WWOX: variants seen among roughly 807,000 people sequenced by gnomAD.
WWOX encodes the protein WW domain containing oxidoreductase.
Under a neutral mutation model 46.2 loss-of-function variants are expected in WWOX, and 69 were observed. The ratio of observed to expected loss-of-function variants is 1.49; its 90% confidence interval spans 1.23 to 1.82. WWOX has a LOEUF of 1.82. Among genes scored for constraint, WWOX ranks in the 40% most tolerant of loss-of-function variants. WWOX has a pLI of 0.00. For synonymous variants in WWOX, 359 were observed against 202.6 expected (o/e 1.77, Z -6.56); for missense variants, 919 against 542.6 (o/e 1.69, Z -6.89).
chr16:78,132,900 G>T (rs977091135), intron 4 of WWOX, among the ~76,000 whole-genome samples: 1 of 152,140 alleles, frequency 6.6e-6, no homozygotes, highest in African/African-American at 2.4e-5. Flanking sequence ...CTCAAATGGG[G>T]TGGCAGCTGC....
At chr16:78,719,274 GC>G (rs2048639342) in intron 8 of WWOX, among the ~76,000 whole-genome samples, 1 of 151,884 alleles carries the variant, frequency 6.6e-6, no homozygotes, top group Non-Finnish European at 1.5e-5. Flanking sequence ...GGTGACCATG[GC>G]TGAAGGGTTA....
intron 6 of WWOX, among the ~76,000 whole-genome samples, chr16:78,406,736 C>T (rs971788904): frequency 2.0e-5 from 3 of 151,640 alleles, no homozygotes; most frequent in African/African-American, 4.8e-5. Context: ...AAGCGATTCT[C>T]CTGCCTCAGC....
chr16:78,298,276 C>T (rs996539626), intron 5 of WWOX, among the ~76,000 whole-genome samples: 1 of 152,086 alleles, frequency 6.6e-6, no homozygotes, highest in Non-Finnish European at 1.5e-5. Flanking sequence ...ACTGGGCCAT[C>T]TTTCTTAGGC....
intron 8 of WWOX, among the ~76,000 whole-genome samples, chr16:78,938,212 C>T (rs114465422): frequency 2.0e-4 from 30 of 152,170 alleles, no homozygotes; most frequent in Non-Finnish European, 3.8e-4. Context: ...TACATGAAGG[C>T]AGGACTTCCA....
chr16:78,962,024 C>T (rs776209224), intron 8 of WWOX, among the ~76,000 whole-genome samples: 1 of 152,094 alleles, frequency 6.6e-6, no homozygotes, highest in Non-Finnish European at 1.5e-5. Context: ...CCAGGCTGCT[C>T]CTGAGCAAGT....
chr16:78,654,826 A>T lies in WWOX; in HGVS notation c.1056+222074A>T, dbSNP rs147248787. On this transcript the variant is annotated intron_variant, in intron 8 of 8. Coordinates refer to ENST00000566780, the MANE Select transcript of WWOX (RefSeq NM_016373.4). ...TTTGAATTTTGGAAATAGACCAGTG[A>T]TTCTTCAGTAGGGTCGTAAGGTCCC... is the stretch of plus-strand genomic sequence containing the variant. 3.4e-3 allele frequency among the ~76,000 whole-genome samples: 519 copies of T among 151,550 alleles called. 2 individuals carry two copies. Among genetic ancestry groups the T allele is most frequent in the Non-Finnish European group, 5.7e-3 (387 of 67,926 alleles).
chr16:78,113,191 C>G (rs75392771), intron 3 of WWOX, among the ~76,000 whole-genome samples: 1 of 152,122 alleles, frequency 6.6e-6, no homozygotes, highest in African/African-American at 2.4e-5. Context: ...TGTACATTCC[C>G]AGGCCCCCAC....
intron 8 of WWOX, among the ~76,000 whole-genome samples, chr16:78,478,577 A>G (rs1033020563): frequency 8.6e-5 from 13 of 151,678 alleles, no homozygotes; most frequent in African/African-American, 2.4e-4. Flanking sequence ...TTGCTGTTGC[A>G]CCCCCCACCC....
chr16:78,174,330 A>G (rs886416122), intron 5 of WWOX, among the ~76,000 whole-genome samples: 2 of 152,154 alleles, frequency 1.3e-5, no homozygotes, highest in African/African-American at 4.8e-5. Context: ...ATCTCTTGAG[A>G]CTTATTCACT....
At chr16:78,325,003 C>G (rs565477592) in intron 5 of WWOX, among the ~76,000 whole-genome samples, 2 of 152,124 alleles carry the variant, frequency 1.3e-5, no homozygotes, top group Admixed American at 6.6e-5. Context: ...ACTCAGGGCC[C>G]GAGCTGCTCA....
At chr16:78,659,923 C>T (rs1335993722) in intron 8 of WWOX, among the ~76,000 whole-genome samples, 1 of 152,148 alleles carries the variant, frequency 6.6e-6, no homozygotes, top group Non-Finnish European at 1.5e-5. Flanking sequence ...CAAGGGCTGT[C>T]ACCACCAGAA....
intron 8 of WWOX, among the ~76,000 whole-genome samples, chr16:79,207,306 A>G (rs2051548380): frequency 2.0e-5 from 3 of 152,262 alleles, no homozygotes; most frequent in South Asian, 4.1e-4. Flanking sequence ...TAACAATGGA[A>G]GTAGGCAGGG....
At chr16:78,595,621 C>T (rs982790463) in intron 8 of WWOX, among the ~76,000 whole-genome samples, 1 of 152,186 alleles carries the variant, frequency 6.6e-6, no homozygotes, top group African/African-American at 2.4e-5. Flanking sequence ...CACCTGCCCC[C>T]CAGCTGACCA....
intron 8 of WWOX, among the ~76,000 whole-genome samples, chr16:79,191,560 T>G (rs946458336): frequency 6.6e-6 from 1 of 152,256 alleles, no homozygotes; most frequent in Non-Finnish European, 1.5e-5. Context: ...TCGAAGGTCC[T>G]GTGGGAGCTC....
chr16:78,228,181 CAAG>C (rs1190843704), intron 5 of WWOX, among the ~76,000 whole-genome samples: 4 of 152,050 alleles, frequency 2.6e-5, no homozygotes, highest in African/African-American at 4.8e-5. Context: ...CAACAGGACA[CAAG>C]AAGATTTTCC....
chr16:78,894,669 C>A (rs942922871), intron 8 of WWOX, among the ~76,000 whole-genome samples: 3 of 152,082 alleles, frequency 2.0e-5, no homozygotes, highest in Non-Finnish European at 4.4e-5. Flanking sequence ...GTGTGTGTCT[C>A]AAGGTGGAGA....
At chr16:78,736,708 C>T (rs2049100466) in intron 8 of WWOX, among the ~76,000 whole-genome samples, 1 of 152,076 alleles carries the variant, frequency 6.6e-6, no homozygotes, top group African/African-American at 2.4e-5. Flanking sequence ...AGTGATCCTC[C>T]CACCTCAACG....
At chr16:78,271,243 A>C (rs752769337) in intron 5 of WWOX, among the ~76,000 whole-genome samples, 24 of 152,218 alleles carry the variant, frequency 1.6e-4, no homozygotes, top group Non-Finnish European at 3.4e-4. Flanking sequence ...CGTCCACCTG[A>C]GTTTCAAATC....
chr16:78,808,390 A>T (rs1184056023), intron 8 of WWOX, among the ~76,000 whole-genome samples: 2 of 152,234 alleles, frequency 1.3e-5, no homozygotes, highest in Admixed American at 6.5e-5. Context: ...TATAGGTGCA[A>T]ATAATTTTCA....
Sources: gnomAD v4.1 joint callset for allele counts (sites outside exome capture counted in the v4.1 genomes callset) on GRCh38, gnomAD v4.1.1 for gene constraint, MANE v1.5 for transcripts, NCBI Gene and HGNC (gene_info 2026-07-23, HGNC 2026-07-21) for gene names.